Variants in ZEB2 observed in about 807,000 individuals in gnomAD.
ZEB2 encodes zinc finger E-box binding homeobox 2, also known as zinc finger E-box-binding homeobox 2.
A neutral mutation model predicts 99.9 loss-of-function variants in ZEB2; 6 were observed. The ratio of observed to expected loss-of-function variants is 0.06; its 90% CI spans 0.03 to 0.12. The LOEUF (loss-of-function observed/expected upper bound fraction) is 0.12, where lower values mean the gene tolerates loss of function less well. ZEB2 is among the 10% of genes least tolerant of loss of function. ZEB2 has a pLI of 1.00. For synonymous variants in ZEB2, 517 were observed against 542.5 expected, an observed-to-expected ratio of 0.95 and a Z score of 0.65; for missense variants, 969 against 1,502.8, an observed-to-expected ratio of 0.64 and a Z score of 5.87.
At chr2:144,403,458 TA>T (rs1703339555) in intron 6 of ZEB2, among the ~76,000 whole-genome samples, 6 of 152,068 alleles carry the variant, frequency 3.9e-5, no homozygotes, top group Admixed American at 3.9e-4. Flanking sequence ...TAGCAGCTTA[TA>T]AAAATACTCT....
At chr2:144,444,779 A>G (rs1437765144) in intron 2 of ZEB2, 3 of 152,230 alleles carry the variant, frequency 2.0e-5, no homozygotes, top group East Asian at 3.8e-4. Context: ...GAAGCCCACA[A>G]ACCAACAGGG....
At chr2:144,460,376 C>A (rs996637878) in intron 2 of ZEB2, among the ~76,000 whole-genome samples, 22 of 152,182 alleles carry the variant, frequency 1.4e-4, no homozygotes, top group African/African-American at 5.1e-4. Context: ...CTCTCTCTCT[C>A]TATTTATTTA....
chr2:144,412,675 G>T (rs1162940357), intron 4 of ZEB2, among the ~76,000 whole-genome samples: 1 of 152,152 alleles, frequency 6.6e-6, no homozygotes, highest in African/African-American at 2.4e-5. Flanking sequence ...GGCTAAATGA[G>T]ACATTCATAA....
chr2:144,487,243 G>A (rs1704611551), intron 2 of ZEB2, among the ~76,000 whole-genome samples: 1 of 151,940 alleles, frequency 6.6e-6, no homozygotes, highest in East Asian at 1.9e-4. Context: ...ATGCTATCAA[G>A]GAAAGCCAGT....
At chr2:144,405,066 C>G in intron 4 of ZEB2, 42 bp from the exon 5 acceptor site, 2 of 1,594,262 alleles carry the variant, frequency 1.3e-6, no homozygotes, top group African/African-American at 1.3e-5. Context: ...TCCGGGCCTT[C>G]TTCCTAGGAT....
Position 144,440,513 on chromosome 2 carries a change from A to AT in ZEB2, c.74-10488dup, listed in dbSNP as rs1404498896. Among the ~76,000 whole-genome samples the AT allele has an allele frequency of 2.3e-3, 56 of 24,072 alleles. 1 individual carries two copies. The highest frequency in any genetic ancestry group is 9.3e-3 in the African/African-American group (50 of 5,360). 15.8% of individuals were successfully genotyped at this position (24,072 alleles called of 152,430 possible). A position where few individuals can be genotyped will look rare whatever the true frequency, so the allele number is the denominator to read the frequency against. On this transcript the variant is annotated intron_variant, in intron 2 of 9. Transcript: ENST00000627532. ...TATATATATATATATATATATATAT[A>AT]TATTTTTTTTTTTTTTTTTTTTTTT...
chr2:144,456,725 T>C (rs1279200594), intron 2 of ZEB2, among the ~76,000 whole-genome samples: 2 of 152,146 alleles, frequency 1.3e-5, no homozygotes, highest in African/African-American at 4.8e-5. Context: ...ATTCTGCTCT[T>C]GTACAGTCAT....
rs587784569 is a variant in ZEB2, at chr2:144,403,976, C to G, written c.747G>C (p.Thr249=). ...ENFSCPLCSY[T]FAYRTQLERH... The stretch of plus-strand genomic sequence containing the variant: ...GCTCGAGCTGGGTGCGGTAGGCAAA[C>G]GTGTAGCTACAGAGAGGGCAGGAAA... Residue 249 remains threonine, a synonymous_variant, in exon 6 of 10, where the codon ACG becomes ACC. Transcript: ENST00000627532. 6.2e-7 allele frequency: 1 copy of G among 1,614,138 alleles called. No homozygotes were observed. Among genetic ancestry groups the G allele is most frequent in the Non-Finnish European group, 8.5e-7 (1 of 1,180,032 alleles).
intron 2 of ZEB2, among the ~76,000 whole-genome samples, chr2:144,506,766 T>C (rs765106517): frequency 6.6e-6 from 1 of 152,200 alleles, no homozygotes; most frequent in Non-Finnish European, 1.5e-5. Context: ...CTATTACTGA[T>C]TATTTCATAT....
intron 2 of ZEB2, among the ~76,000 whole-genome samples, chr2:144,476,410 T>C (rs371600568): frequency 6.6e-6 from 1 of 152,204 alleles, no homozygotes; most frequent in African/African-American, 2.4e-5. Flanking sequence ...TCAGCACACC[T>C]ACTCACTTAA....
chr2:144,400,658 C>A (rs1703298622), intron 7 of ZEB2, among the ~76,000 whole-genome samples: 1 of 152,204 alleles, frequency 6.6e-6, no homozygotes, highest in Non-Finnish European at 1.5e-5. Context: ...TCCATTGATT[C>A]TACCAATCCA....
chr2:144,393,537 C>G (rs1703180163), intron 9 of ZEB2, among the ~76,000 whole-genome samples: 1 of 152,182 alleles, frequency 6.6e-6, no homozygotes, highest in African/African-American at 2.4e-5. Context: ...AGTGCATTCT[C>G]AAAATATTAC....
intron 2 of ZEB2, among the ~76,000 whole-genome samples, chr2:144,467,577 G>T (rs915924014): frequency 1.3e-5 from 2 of 152,092 alleles, no homozygotes; most frequent in Admixed American, 6.5e-5. Flanking sequence ...TCCAGGGAAA[G>T]AATCCCAGTC....
intron 2 of ZEB2, among the ~76,000 whole-genome samples, chr2:144,511,030 G>GT: frequency 6.6e-6 from 1 of 152,074 alleles, no homozygotes; most frequent in Non-Finnish European, 1.5e-5. Flanking sequence ...CAGACTGGCA[G>GT]TTTTTTTCCC....
intron 2 of ZEB2, among the ~76,000 whole-genome samples, chr2:144,453,327 C>T (rs1704079345): frequency 6.6e-6 from 1 of 152,222 alleles, no homozygotes; most frequent in Admixed American, 6.5e-5. Context: ...TTTGTCTGAT[C>T]TGGACACTTG....
chr2:144,430,239 C>T (rs1346467746), intron 2 of ZEB2, among the ~76,000 whole-genome samples: 1 of 151,954 alleles, frequency 6.6e-6, no homozygotes, highest in Non-Finnish European at 1.5e-5. Context: ...ACAATTTTTT[C>T]CTAAAAATGA....
intron 2 of ZEB2, among the ~76,000 whole-genome samples, chr2:144,452,050 C>T (rs1352140685): frequency 2.0e-5 from 3 of 152,152 alleles, no homozygotes. Context: ...CCCCCTTTGA[C>T]ATATCTGGGG....
chr2:144,467,367 A>C (rs1704287093), intron 2 of ZEB2, among the ~76,000 whole-genome samples: 1 of 152,164 alleles, frequency 6.6e-6, no homozygotes, highest in African/African-American at 2.4e-5. Context: ...ACCACATGAA[A>C]ACATAGACCA....
intron 2 of ZEB2, among the ~76,000 whole-genome samples, chr2:144,484,212 T>TGTGTGTGTGTGTGTGTGTGA (rs1413886511): frequency 1.3e-5 from 2 of 151,816 alleles, no homozygotes; most frequent in Non-Finnish European, 2.9e-5. Context: ...TGTGTGTGTG[T>TGTGTGTGTGTGTGTGTGTGA]GAAATAGCCC....
Sources: gnomAD v4.1 joint callset for allele counts (sites outside exome capture counted in the v4.1 genomes callset) on GRCh38, gnomAD v4.1.1 for gene constraint, MANE v1.5 for transcripts, NCBI Gene and HGNC (gene_info 2026-07-23, HGNC 2026-07-21) for gene names.